Variants in MAGED1 observed in about 807,000 individuals in gnomAD.
MAGED1 encodes the protein MAGE family member D1.
A neutral mutation model predicts 54.1 loss-of-function variants in MAGED1; 3 were observed. The observed-to-expected ratio is 0.06, with a 90% confidence interval of 0.03 to 0.14. The LOEUF is 0.14. Ranked by LOEUF, MAGED1 falls within the 10% of genes least tolerant of loss-of-function variation. The pLI is 1.00. For missense variants in MAGED1, 485 were observed against 623.4 expected (o/e 0.78, Z 2.36); for synonymous variants, 217 against 227.3 (o/e 0.95, Z 0.41).
At chrX:51,874,827 GT>G (rs782609534) in intron 1 of MAGED1, among the ~76,000 whole-genome samples, 1 of 108,176 alleles carries the variant, frequency 9.2e-6, no homozygotes, top group Non-Finnish European at 1.9e-5. Flanking sequence ...GGTATGCCTG[GT>G]TTTTTTTTAA....
At chrX:51,840,661 A>G (rs1460591078) in intron 1 of MAGED1, among the ~76,000 whole-genome samples, 2 of 101,895 alleles carry the variant, frequency 2.0e-5, no homozygotes, top group Admixed American at 2.2e-4. Flanking sequence ...TTCAATTCCC[A>G]CCTATGAGTG....
chrX:51,817,451 G>A (rs951071933), intron 1 of MAGED1, among the ~76,000 whole-genome samples: 1 of 111,786 alleles, frequency 8.9e-6, no homozygotes, highest in African/African-American at 3.3e-5. Context: ...TCTGTGACTG[G>A]TAAATATTTT....
intron 1 of MAGED1, among the ~76,000 whole-genome samples, chrX:51,805,321 A>G (rs1557354958): frequency 9.0e-6 from 1 of 111,475 alleles, no homozygotes; most frequent in Non-Finnish European, 1.9e-5. Flanking sequence ...ACTATTCTCT[A>G]AGGTCAGTAT....
At chrX:51,901,413 T>C in intron 11 of MAGED1, 140 bp from the exon 12 acceptor site, 14 of 537,745 alleles carry the variant, frequency 2.6e-5, no homozygotes, top group Non-Finnish European at 3.8e-5. Context: ...TTCCTTCTTT[T>C]TAAAGGCTGA....
chrX:51,825,006 G>A (rs1391338222), intron 1 of MAGED1, among the ~76,000 whole-genome samples: 1 of 108,412 alleles, frequency 9.2e-6, no homozygotes, highest in Admixed American at 1.0e-4. Flanking sequence ...TGAATTTTTC[G>A]TATCTGTTAC....
chrX:51,857,091 G>A (rs782629040), intron 1 of MAGED1: 3 of 111,250 alleles, frequency 2.7e-5, no homozygotes, highest in Admixed American at 9.6e-5. Context: ...GAAACCCTAT[G>A]AATGCTGTGA....
intron 1 of MAGED1, among the ~76,000 whole-genome samples, chrX:51,860,037 G>A (rs1473479957): frequency 2.7e-5 from 3 of 111,505 alleles, no homozygotes; most frequent in African/African-American, 9.8e-5. Flanking sequence ...AGGCCGAGGC[G>A]GGCAGATCAT....
intron 1 of MAGED1, among the ~76,000 whole-genome samples, chrX:51,884,950 A>G (rs1455604382): frequency 2.7e-5 from 3 of 112,437 alleles, no homozygotes; most frequent in African/African-American, 9.7e-5. Flanking sequence ...ACCCACTAAT[A>G]GAGAGTAACT....
At chrX:51,897,910 C>T (rs368533000) in intron 7 of MAGED1, 24 bp downstream of exon 7, 122 of 1,113,322 alleles carry the variant, frequency 1.1e-4, no homozygotes, top group Non-Finnish European at 1.4e-4. Context: ...GAAGGTGGAA[C>T]ATGGCCTTTC....
intron 1 of MAGED1, among the ~76,000 whole-genome samples, chrX:51,809,876 A>T (rs782559869): frequency 9.0e-6 from 1 of 111,638 alleles, no homozygotes; most frequent in Admixed American, 9.5e-5. Context: ...ATTAACTGGA[A>T]TTACTTTATA....
intron 1 of MAGED1, among the ~76,000 whole-genome samples, chrX:51,856,177 C>T (rs782414259): frequency 8.9e-6 from 1 of 112,174 alleles, no homozygotes; most frequent in Non-Finnish European, 1.9e-5. Context: ...ATTCTTGGAC[C>T]TTTCAGGTGT....
intron 1 of MAGED1, among the ~76,000 whole-genome samples, chrX:51,810,018 C>G (rs1557355437): frequency 9.0e-6 from 1 of 111,552 alleles, no homozygotes; most frequent in East Asian, 2.8e-4. Flanking sequence ...TTCTTAGCAA[C>G]CGCCACTGTT....
At position 51,846,076 on chromosome X, in the gene MAGED1, C is replaced by T. The variant is rs183123319; in HGVS notation, c.-37+42959C>T. ...CAGGCATGAGCCACCGTGCCCGGCCCGATGTGAATCTTTGGGGGCCAGAGA... is the reference window on the plus strand; with the variant it reads ...CAGGCATGAGCCACCGTGCCCGGCCTGATGTGAATCTTTGGGGGCCAGAGA... On this transcript the variant is annotated intron_variant, in intron 1 of 12. Transcript: ENST00000375772. Among the ~76,000 whole-genome samples, 36 of 111,516 alleles carry T rather than the reference C, an allele frequency of 3.2e-4. No homozygotes were observed. In the East Asian group the frequency reaches 9.9e-3, roughly 31 times the overall value.
Position 51,895,206 on chromosome X carries a change from G to C in MAGED1, c.199G>C (p.Val67Leu). The C allele has an allele frequency of 5.0e-6, 6 of 1,211,684 alleles. No individual in the cohort carries two copies. Among genetic ancestry groups the C allele is most frequent in the Non-Finnish European group, 6.7e-6 (6 of 895,433 alleles). ...PTANEMADIQ[V>L]SAAAARPKSA... is the part of the protein sequence containing the mutation. The stretch of plus-strand genomic sequence containing the variant: ...TGCCAATGAGATGGCTGACATTCAG[G>C]TTTCAGCAGCTGCCGCTAGGCCTAA... Residue 67 changes from valine (V) to leucine (L), a missense_variant, in exon 3 of 13, where the codon GTT (valine) becomes CTT (leucine). Physicochemically the swap from Val to Leu is conservative, Grantham distance 32. Around this residue, in one of 2 missense-constraint regions of MAGED1, gnomAD observed 299 missense variants for 293.1 expected, o/e 1.02. Coordinates refer to ENST00000326587, the MANE Select transcript of MAGED1 (RefSeq NM_006986.4).
chrX:51,836,897 A>G lies in MAGED1; in HGVS notation c.-37+33780A>G, dbSNP rs151300140. ...CAATGTATACGCTGTTGAATACTCA[A>G]TGGAGCCTTTGCAGATCTCAGGAGT... On this transcript the variant is annotated intron_variant, in intron 1 of 12. Coordinates refer to the MAGED1 transcript ENST00000375772. Among the ~76,000 whole-genome samples, 130 of 111,497 alleles carry G rather than the reference A, an allele frequency of 1.2e-3. 1 individual carries two copies. The highest frequency in any genetic ancestry group is 3.9e-3 in the African/African-American group (120 of 30,696).
chrX:51,817,885 C>G (rs1557356210), intron 1 of MAGED1, among the ~76,000 whole-genome samples: 4 of 112,179 alleles, frequency 3.6e-5, no homozygotes, highest in Non-Finnish European at 3.8e-5. Context: ...GCACCCACAA[C>G]TTCTTTTAGG....
At chrX:51,839,585 T>C (rs1375856135) in intron 1 of MAGED1, among the ~76,000 whole-genome samples, 3 of 112,134 alleles carry the variant, frequency 2.7e-5, no homozygotes, top group African/African-American at 9.7e-5. Flanking sequence ...AAAAAATATG[T>C]TCTTTAAGCT....
chrX:51,866,194 T>C (rs1258323880), intron 1 of MAGED1, among the ~76,000 whole-genome samples: 1 of 112,441 alleles, frequency 8.9e-6, no homozygotes, highest in Non-Finnish European at 1.9e-5. Context: ...TACTTTTTAG[T>C]CAGTTTTTAC....
intron 1 of MAGED1, among the ~76,000 whole-genome samples, chrX:51,817,166 A>G (rs782480139): frequency 8.9e-6 from 1 of 112,097 alleles, no homozygotes; most frequent in South Asian, 3.8e-4. Context: ...CCGTTTGACA[A>G]TGTGAGATCC....
Sources: allele counts gnomAD v4.1 joint callset (sites outside exome capture counted in the v4.1 genomes callset), GRCh38; gene constraint gnomAD v4.1.1; regional missense constraint gnomAD v4.1.1; transcripts MANE v1.5; gene names NCBI Gene and HGNC (gene_info 2026-07-23, HGNC 2026-07-21).